Variants in FANCM observed in about 807,000 individuals in gnomAD.
The protein encoded by FANCM is Fanconi anemia group M protein.
Under a neutral mutation model 199.5 loss-of-function variants are expected in FANCM, and 140 were observed. The ratio of observed to expected loss-of-function variants is 0.70; its 90% confidence interval spans 0.61 to 0.81. FANCM has a LOEUF of 0.81. Among genes scored for constraint, FANCM ranks in the 30% least tolerant of loss-of-function variants. The pLI, the probability that FANCM is intolerant of heterozygous loss-of-function variation, is 0.00. For missense variants in FANCM, 2,410 were observed against 2,421.4 expected (o/e 1.00, Z 0.10); for synonymous variants, 840 against 836.8 (o/e 1.00, Z -0.07).
At chr14:45,171,313 T>G (rs1888325265) in intron 12 of FANCM, among the ~76,000 whole-genome samples, 1 of 152,088 alleles carries the variant, frequency 6.6e-6, no homozygotes. Flanking sequence ...TTCATAAGCA[T>G]CCTTGTAAAC....
At position 45,136,456 on chromosome 14, in the gene FANCM, C is replaced by T; in HGVS notation, c.425C>T (p.Pro142Leu). Residue 142 changes from proline (P) to leucine (L), a missense_variant, in exon 1 of 23, where the codon CCA becomes CTA. Physicochemically the swap from Pro to Leu is moderately conservative, Grantham distance 98 (BLOSUM62 -3). Coordinates refer to ENST00000267430, the MANE Select transcript of FANCM (RefSeq NM_020937.4). ...FPSGKVVFMAPTKPLVTQQIE... is the reference protein window; with the variant it reads ...FPSGKVVFMALTKPLVTQQIE... ...TCAGGAAAGGTGGTCTTCATGGCCC[C>T]AACGAAACCCTTGGTGACACAGCAG... The T allele has an allele frequency of 1.2e-6, 2 of 1,614,138 alleles. No individual in the cohort carries two copies. The highest frequency in any genetic ancestry group is 1.7e-6 in the Non-Finnish European group (2 of 1,180,030).
In FANCM at chr14:45,200,547, G is replaced by A. The variant is rs1890302957; in HGVS notation, c.*539G>A. On this transcript the variant is annotated 3_prime_UTR_variant, in exon 23 of 23. Coordinates refer to ENST00000267430, the MANE Select transcript of FANCM (RefSeq NM_020937.4). The stretch of plus-strand genomic sequence containing the variant: ...CTGACCAAAGGTGTGTCCCAGTTAA[G>A]TACTGTCAAATCTATTAATATGAAC... 1 of 152,564 alleles carries A rather than the reference G, an allele frequency of 6.6e-6. No homozygotes were observed. Among genetic ancestry groups the A allele is most frequent in the Non-Finnish European group, 1.5e-5 (1 of 68,328 alleles). 9.5% of individuals were successfully genotyped at this position (152,564 alleles called of 1,614,324 possible). A position where few individuals can be genotyped will look rare whatever the true frequency, so the allele number is the denominator to read the frequency against.
intron 11 of FANCM, 98 bp downstream of exon 11, chr14:45,167,261 A>G: frequency 1.3e-6 from 1 of 755,764 alleles, no homozygotes; most frequent in Non-Finnish European, 2.4e-6. Context: ...AACTGAATAT[A>G]TGTTCTAATT....
intron 3 of FANCM, among the ~76,000 whole-genome samples, chr14:45,142,683 C>A (rs1303163951): frequency 1.3e-5 from 2 of 151,954 alleles, no homozygotes; most frequent in African/African-American, 4.8e-5. Flanking sequence ...GAATATCCCT[C>A]AATTTGGGTA....
chr14:45,168,276 T>TA (rs1156701273), intron 11 of FANCM, among the ~76,000 whole-genome samples: 3 of 152,184 alleles, frequency 2.0e-5, no homozygotes. Context: ...CAAATGCACT[T>TA]AATAGGAACA....
At chr14:45,189,410 T>G in intron 20 of FANCM, 48 bp downstream of exon 20, 2 of 1,405,222 alleles carry the variant, frequency 1.4e-6, no homozygotes, top group Non-Finnish European at 2.0e-6. Flanking sequence ...TACCAGAAGT[T>G]TTTCTTTTTC....
At chr14:45,172,091 T>A (rs1302353665) in intron 12 of FANCM, among the ~76,000 whole-genome samples, 1 of 152,142 alleles carries the variant, frequency 6.6e-6, no homozygotes, top group Non-Finnish European at 1.5e-5. Flanking sequence ...TGGTTTTGAT[T>A]TGTATTTCTC....
At chr14:45,189,442 A>G in intron 20 of FANCM, 80 bp downstream of exon 20, 1 of 1,136,992 alleles carries the variant, frequency 8.8e-7, no homozygotes, top group Non-Finnish European at 1.3e-6. Context: ...TGTGTTTTGT[A>G]TTAAATAACT....
intron 20 of FANCM, among the ~76,000 whole-genome samples, chr14:45,192,512 A>T (rs1889825201): frequency 6.6e-6 from 1 of 152,200 alleles, no homozygotes; most frequent in South Asian, 2.1e-4. Flanking sequence ...ACGTGGTGGC[A>T]CATGCCTGTA....
At chr14:45,166,450 A>T (rs996125007) in intron 10 of FANCM, among the ~76,000 whole-genome samples, 3 of 152,010 alleles carry the variant, frequency 2.0e-5, no homozygotes, top group African/African-American at 7.3e-5. Flanking sequence ...AATGATTTCC[A>T]TTAAAGGTTA....
Position 45,185,311 on chromosome 14 carries a change from A to T in FANCM, c.4610A>T (p.Glu1537Val). ...GATGAAAATGATGAGTCAGAAAATG[A>T]ACAAGATTCCTCATTACTTGACTTT... ...SSDENDESEN[E>V]QDSSLLDFLN... The change falls in exon 18 of 23, where the codon GAA (glutamate) becomes GTA (valine). Residue 1537 changes from glutamate (E) to valine (V), a missense_variant. Physicochemically the swap from Glu to Val is moderately radical, Grantham distance 121. Coordinates refer to ENST00000267430, the MANE Select transcript of FANCM (RefSeq NM_020937.4). The T allele has an allele frequency of 6.3e-7, 1 of 1,597,730 alleles. No individual in the cohort carries two copies. Among genetic ancestry groups the T allele is most frequent in the Non-Finnish European group, 8.6e-7 (1 of 1,167,292 alleles).
At chr14:45,184,190 A>T (rs544395870) in intron 17 of FANCM, among the ~76,000 whole-genome samples, 1 of 152,268 alleles carries the variant, frequency 6.6e-6, no homozygotes, top group South Asian at 2.1e-4. Flanking sequence ...TAGAATTAGA[A>T]ATTTGAGTTT....
At chr14:45,155,809 G>A (rs891547655) in intron 8 of FANCM, among the ~76,000 whole-genome samples, 4 of 152,190 alleles carry the variant, frequency 2.6e-5, no homozygotes, top group African/African-American at 9.6e-5. Context: ...AAATAATCTC[G>A]AAAATAAAAC....
chr14:45,173,131 C>T lies in FANCM; in HGVS notation c.2237C>T (p.Thr746Ile), dbSNP rs773541028. Residue 746 changes from threonine to isoleucine, a missense_variant, in exon 13 of 23, where the codon ACA (threonine) becomes ATA (isoleucine). Transcript: ENST00000267430. ...WRLWQDHPLP[T>I]HQVDHSDRCR... ...CTGTGGCAAGATCATCCTTTGCCTACACATCAAGTTGATCACTCAGATCGA... is the reference window on the plus strand; with the variant it reads ...CTGTGGCAAGATCATCCTTTGCCTATACATCAAGTTGATCACTCAGATCGA... The T allele has an allele frequency of 5.0e-6, 8 of 1,611,748 alleles. No individual in the cohort carries two copies. The highest frequency in any genetic ancestry group is 5.9e-6 in the Non-Finnish European group (7 of 1,177,900).
Position 45,170,680 on chromosome 14 carries a change from T to C in FANCM, c.2094T>C (p.Asp698=). 1 of 1,608,672 alleles carries C rather than the reference T, an allele frequency of 6.2e-7. No homozygotes were observed. Among genetic ancestry groups the C allele is most frequent in the Non-Finnish European group, 8.5e-7 (1 of 1,175,160 alleles). ...WNRLYRLRDS[D]EIKEITLPQV... is the part of the protein sequence containing the mutation. The stretch of plus-strand genomic sequence containing the variant: ...GACTTTATAGATTAAGGGACAGTGA[T>C]GAAATTAAAGAGATAACATTGCCTC... Residue 698 remains aspartate, a synonymous_variant, in exon 12 of 23, where the codon GAT becomes GAC. Transcript: ENST00000267430.
In FANCM at chr14:45,154,683, C is replaced by A. The variant is rs766810193; in HGVS notation, c.1184-14C>A. ...ATTATTATTTATTTGAAAACCTTTT[C>A]TTAATTTCTGAAGGGATGACACGGT... On this transcript the variant is annotated splice_polypyrimidine_tract_variant and intron_variant, in intron 6 of 22. Transcript: ENST00000267430. 1.3e-6 allele frequency: 2 copies of A among 1,548,894 alleles called. No homozygotes were observed. The highest frequency in any genetic ancestry group is 1.8e-6 in the Non-Finnish European group (2 of 1,130,224).
chr14:45,197,396 C>A (rs569497638), intron 21 of FANCM, among the ~76,000 whole-genome samples: 1 of 152,118 alleles, frequency 6.6e-6, no homozygotes, highest in Admixed American at 6.5e-5. Context: ...GCCTTTTCAT[C>A]CCCATTTTGT....
In FANCM at chr14:45,199,871, T is replaced by A. The variant is rs760258217; in HGVS notation, c.6010T>A (p.Ser2004Thr). The change falls in exon 23 of 23, where the codon TCA becomes ACA. Residue 2004 changes from serine (S) to threonine (T), a missense_variant and splice_region_variant. By Grantham distance (58) the Ser-to-Thr change is moderately conservative. Transcript: ENST00000267430. ...FSSVKRMANSSLQEISMYAQV... is the reference protein window; with the variant it reads ...FSSVKRMANSTLQEISMYAQV... The stretch of plus-strand genomic sequence containing the variant: ...GATTTTGTCTCATTTATTTTTCAGC[T>A]CACTTCAAGAAATCTCCATGTATGC... The A allele has an allele frequency of 1.9e-6, 3 of 1,612,028 alleles. No individual in the cohort carries two copies. Among genetic ancestry groups the A allele is most frequent in the Non-Finnish European group, 1.7e-6 (2 of 1,178,614 alleles).
Position 45,160,885 on chromosome 14 carries a change from C to A in FANCM, c.1581+1605C>A, listed in dbSNP as rs565176546. ...CTGCCCTCACTACACCGAGAAGCGTCTGTTTAAGCTGACTGGATATGGTGG... is the reference window on the plus strand; with the variant it reads ...CTGCCCTCACTACACCGAGAAGCGTATGTTTAAGCTGACTGGATATGGTGG... On this transcript the variant is annotated intron_variant, in intron 9 of 22. Coordinates refer to ENST00000267430, the MANE Select transcript of FANCM (RefSeq NM_020937.4). 4.6e-5 allele frequency among the ~76,000 whole-genome samples: 7 copies of A among 152,208 alleles called. No individual in the cohort carries two copies. The East Asian group carries it at 1.4e-3, about 29-fold the overall frequency.
Sources: gnomAD v4.1 joint callset for allele counts (sites outside exome capture counted in the v4.1 genomes callset) on GRCh38, gnomAD v4.1.1 for gene constraint, MANE v1.5 for transcripts, NCBI Gene and HGNC (gene_info 2026-07-23, HGNC 2026-07-21) for gene names.